IQCM: variants seen among roughly 807,000 people sequenced by gnomAD.
The protein encoded by IQCM is IQ domain-containing protein M.
A neutral mutation model predicts 57.6 loss-of-function variants in IQCM; 45 were observed. The ratio of observed to expected loss-of-function variants is 0.78; its 90% CI spans 0.62 to 1.00. IQCM has a LOEUF of 1.00. Among genes scored for constraint, IQCM ranks in the 50% least tolerant of loss-of-function variants. The pLI is 0.00. For synonymous variants in IQCM, 148 were observed against 158.9 expected (o/e 0.93, Z 0.51); for missense variants, 468 against 511.6 (o/e 0.91, Z 0.82).
intron 8 of IQCM, among the ~76,000 whole-genome samples, chr4:149,611,133 A>G (rs1418378301): frequency 6.6e-6 from 1 of 152,124 alleles, no homozygotes; most frequent in Non-Finnish European, 1.5e-5. Flanking sequence ...TATCAGAGAA[A>G]TACAAATCAA....
At chr4:149,515,906 A>G (rs1744910698) in intron 12 of IQCM, among the ~76,000 whole-genome samples, 1 of 152,216 alleles carries the variant, frequency 6.6e-6, no homozygotes, top group South Asian at 2.1e-4. Flanking sequence ...GTGAGTGCTT[A>G]CCAACTGGTG....
intron 2 of IQCM, among the ~76,000 whole-genome samples, chr4:149,780,721 CA>C (rs530157220): frequency 9.0e-4 from 137 of 152,014 alleles, no homozygotes; most frequent in African/African-American, 3.1e-3. Context: ...AATACCTTGA[CA>C]AAGGGAGTAG....
At chr4:149,655,743 G>A (rs1319384198) in intron 7 of IQCM, among the ~76,000 whole-genome samples, 1 of 152,012 alleles carries the variant, frequency 6.6e-6, no homozygotes, top group Non-Finnish European at 1.5e-5. Flanking sequence ...AATTTTAACT[G>A]AGTGCATGGA....
At chr4:149,592,456 G>A (rs1214656552) in intron 8 of IQCM, among the ~76,000 whole-genome samples, 1 of 151,958 alleles carries the variant, frequency 6.6e-6, no homozygotes, top group African/African-American at 2.4e-5. Context: ...AAGCTCTTTA[G>A]TTTAATTAGA....
At chr4:149,614,049 T>A (rs1225366984) in intron 8 of IQCM, among the ~76,000 whole-genome samples, 2 of 152,208 alleles carry the variant, frequency 1.3e-5, no homozygotes, top group Non-Finnish European at 1.5e-5. Context: ...ATTTTTTTCA[T>A]GACCTAAACC....
chr4:149,692,462 A>G (rs1388267262), intron 5 of IQCM, among the ~76,000 whole-genome samples: 1 of 152,170 alleles, frequency 6.6e-6, no homozygotes, highest in Non-Finnish European at 1.5e-5. Context: ...GCTTGTGTTA[A>G]TACAATAATT....
intron 2 of IQCM, among the ~76,000 whole-genome samples, chr4:149,798,360 A>C (rs1242047494): frequency 1.1e-4 from 16 of 152,188 alleles, no homozygotes. Context: ...AAAAAATATA[A>C]AGCAAGAAAC....
chr4:149,802,261 A>C (rs1362442812), intron 2 of IQCM, among the ~76,000 whole-genome samples: 2 of 151,874 alleles, frequency 1.3e-5, no homozygotes. Flanking sequence ...TCATCTGACG[A>C]ATGTAAGCCC....
chr4:149,575,743 T>A (rs757674145), intron 9 of IQCM, among the ~76,000 whole-genome samples: 9 of 152,000 alleles, frequency 5.9e-5, no homozygotes, highest in Non-Finnish European at 8.8e-5. Flanking sequence ...CTGGGTAGGA[T>A]ACTTTTTACC....
intron 9 of IQCM, among the ~76,000 whole-genome samples, chr4:149,587,122 T>C (rs1355827463): frequency 2.0e-5 from 3 of 151,674 alleles, no homozygotes; most frequent in Non-Finnish European, 3.0e-5. Context: ...TCTTCTGACA[T>C]TTCACACCAT....
intron 7 of IQCM, among the ~76,000 whole-genome samples, chr4:149,650,305 C>T (rs533017412): frequency 4.6e-5 from 7 of 151,920 alleles, no homozygotes; most frequent in Admixed American, 1.3e-4. Flanking sequence ...AGTAACATCA[C>T]GGGCTACCAG....
chr4:149,724,051 GTTTCCTATGGAT>G (rs1765680348), intron 5 of IQCM, among the ~76,000 whole-genome samples: 1 of 151,480 alleles, frequency 6.6e-6, no homozygotes, highest in Non-Finnish European at 1.5e-5. Flanking sequence ...GCATTTATCT[GTTTCCTATGGAT>G]TTTCTAGTTT....
chr4:149,516,442 G>A (rs1051944182), intron 12 of IQCM, among the ~76,000 whole-genome samples: 2 of 152,144 alleles, frequency 1.3e-5, no homozygotes, highest in African/African-American at 4.8e-5. Flanking sequence ...CATGCTCATG[G>A]AATTCACTGG....
chr4:149,600,169 C>A (rs541033519), intron 8 of IQCM, among the ~76,000 whole-genome samples: 1 of 152,146 alleles, frequency 6.6e-6, no homozygotes, highest in African/African-American at 2.4e-5. Context: ...ATGATGAGTT[C>A]TGCTATTATT....
intron 13 of IQCM, among the ~76,000 whole-genome samples, chr4:149,416,623 A>T (rs1002933184): frequency 1.3e-5 from 2 of 152,080 alleles, no homozygotes; most frequent in Non-Finnish European, 2.9e-5. Flanking sequence ...TGGAGGACAC[A>T]CCTGTAAACA....
intron 2 of IQCM, among the ~76,000 whole-genome samples, chr4:149,814,758 A>G (rs1459907892): frequency 2.6e-5 from 4 of 151,914 alleles, no homozygotes; most frequent in African/African-American, 9.7e-5. Context: ...TTAGCATTTG[A>G]CCCAATGGGC....
At chr4:149,623,781 T>C (rs563591340) in intron 7 of IQCM, among the ~76,000 whole-genome samples, 1 of 151,556 alleles carries the variant, frequency 6.6e-6, no homozygotes, top group Admixed American at 6.6e-5. Flanking sequence ...AGGCTGTATA[T>C]TGATAGATGG....
intron 12 of IQCM, among the ~76,000 whole-genome samples, chr4:149,454,902 G>A (rs754945267): frequency 1.3e-5 from 2 of 152,000 alleles, no homozygotes; most frequent in Middle Eastern, 3.4e-3. Flanking sequence ...TGGATACAAG[G>A]TTTATGTTTG....
chr4:149,698,295 G>A (rs920673858), intron 5 of IQCM, among the ~76,000 whole-genome samples: 3 of 152,012 alleles, frequency 2.0e-5, no homozygotes, highest in African/African-American at 4.8e-5. Context: ...TCCCGTAATA[G>A]CAAATTTTAT....
Sources: gnomAD v4.1 joint callset for allele counts (sites outside exome capture counted in the v4.1 genomes callset) on GRCh38, gnomAD v4.1.1 for gene constraint, MANE v1.5 for transcripts, NCBI Gene and HGNC (gene_info 2026-07-23, HGNC 2026-07-21) for gene names.